Variants in KRT20 observed in about 807,000 individuals in gnomAD.
KRT20 encodes keratin 20.
In KRT20, 41 loss-of-function variants were observed where a neutral mutation model predicts 43.0. The observed-to-expected ratio is 0.95, with a 90% CI of 0.74 to 1.24. The LOEUF (loss-of-function observed/expected upper bound fraction) is 1.24. KRT20 is among the 50% of genes most tolerant of loss of function. The pLI is 0.00. For synonymous variants in KRT20, 207 were observed against 200.6 expected (o/e 1.03, Z -0.27); for missense variants, 533 against 521.2 (o/e 1.02, Z -0.22).
rs1051727533 is a variant in KRT20, at chr17:40,882,735, A to C, written c.391-81T>G. On this transcript the variant is annotated intron_variant, in intron 1 of 7. Coordinates refer to ENST00000167588, the MANE Select transcript of KRT20 (RefSeq NM_019010.3). ...TTTATTTATTTATTTATTGAGACAG[A>C]ATCTTGCTCTGTTGCCCAGACTGGA... is the stretch of plus-strand genomic sequence containing the variant. 8 of 440,734 alleles carry C rather than the reference A, an allele frequency of 1.8e-5. No individual in the cohort carries two copies. In the East Asian group the frequency reaches 2.8e-4, roughly 16 times the overall value. 27.3% of individuals were successfully genotyped at this position (440,734 alleles called of 1,614,324 possible).
chr17:40,885,014 C>T lies in KRT20; in HGVS notation c.172G>A (p.Asp58Asn). 5 of 1,614,180 alleles carry T rather than the reference C, an allele frequency of 3.1e-6. No homozygotes were observed. Among genetic ancestry groups the T allele is most frequent in the Non-Finnish European group, 4.2e-6 (5 of 1,180,034 alleles). Residue 58 changes from aspartate (D) to asparagine (N), a missense_variant, in exon 1 of 8, where the codon GAT becomes AAT. By Grantham distance (23) the Asp-to-Asn change is conservative (BLOSUM62 1). Transcript: ENST00000167588. ...NSRHTVNYGS[D>N]LTGGGDLFVG... is the part of the protein sequence containing the mutation. ...AACAGGTCCCCGCCGCCTGTGAGAT[C>T]GCTCCCATAGTTCACCGTGTGTCTG...
In KRT20 at chr17:40,884,897, T is replaced by C. The variant is rs147517327; in HGVS notation, c.289A>G (p.Lys97Glu). 1.2e-6 allele frequency: 2 copies of C among 1,614,234 alleles called. No homozygotes were observed. The highest frequency in any genetic ancestry group is 1.7e-6 in the Non-Finnish European group (2 of 1,180,034). Reference sequence around the variant, plus strand: ...CACTGCTTGATTTGCACTTCAAGTTTGGAGTTGGACTGCTCCAGGGTCCGC... The same window carrying C: ...CACTGCTTGATTTGCACTTCAAGTTCGGAGTTGGACTGCTCCAGGGTCCGC... Reference protein sequence around the residue: ...KVRTLEQSNSKLEVQIKQWYE... With the variant: ...KVRTLEQSNSELEVQIKQWYE... The change falls in exon 1 of 8, where the codon AAA (lysine) becomes GAA (glutamate). Residue 97 changes from lysine (K) to glutamate (E), a missense_variant. Coordinates refer to ENST00000167588, the MANE Select transcript of KRT20 (RefSeq NM_019010.3).
chr17:40,877,289 A>T, intron 7 of KRT20, 91 bp downstream of exon 7: 1 of 870,146 alleles, frequency 1.1e-6, no homozygotes, highest in Non-Finnish European at 1.8e-6. Flanking sequence ...AAAACAGACT[A>T]AAACAGCCTC....
chr17:40,882,514 G>A, intron 2 of KRT20, 58 bp downstream of exon 2: 1 of 843,196 alleles, frequency 1.2e-6, no homozygotes, highest in Non-Finnish European at 1.9e-6. Flanking sequence ...TGAGTATCTG[G>A]AAGGACTACT....
rs147128896 is a variant in KRT20, at chr17:40,884,941, G to A, written c.245C>T (p.Ala82Val). 9.3e-6 allele frequency: 15 copies of A among 1,614,216 alleles called. No homozygotes were observed. Among genetic ancestry groups the A allele is most frequent in the Non-Finnish European group, 1.3e-5 (15 of 1,180,038 alleles). The change falls in exon 1 of 8, where the codon GCG (alanine) becomes GTG (valine). Residue 82 changes from alanine to valine, a missense_variant. Ala to Val is a moderately conservative substitution (Grantham distance 64). Coordinates refer to ENST00000167588, the MANE Select transcript of KRT20 (RefSeq NM_019010.3). ...MAMQNLNDRLASYLEKVRTLE... is the reference protein window; with the variant it reads ...MAMQNLNDRLVSYLEKVRTLE... ...GGTCCGCACCTTTTCTAGGTAGCTC[G>A]CTAGACGGTCATTTAGGTTCTGCAT...
rs74471184 is a variant in KRT20 at position 40,876,845 on chromosome 17, A to G, written c.1178-387T>C. On this transcript the variant is annotated intron_variant, in intron 7 of 7. Coordinates refer to ENST00000167588, the MANE Select transcript of KRT20 (RefSeq NM_019010.3). Reference sequence around the variant, plus strand: ...AGGGTTTCTTTATGCCATGTACAAGATTTTTAGAATCCCTGGTGTCATATC... The same window carrying G: ...AGGGTTTCTTTATGCCATGTACAAGGTTTTTAGAATCCCTGGTGTCATATC... Among the ~76,000 whole-genome samples, 917 of 152,262 alleles carry G rather than the reference A, an allele frequency of 6.0e-3. 10 individuals are homozygous for G. The highest frequency in any genetic ancestry group is 0.021 in the African/African-American group (873 of 41,534).
chr17:40,877,014 A>T (rs191624172), intron 7 of KRT20, among the ~76,000 whole-genome samples: 50 of 152,274 alleles, frequency 3.3e-4, no homozygotes, highest in East Asian at 3.3e-3. Flanking sequence ...TCTCTCATGG[A>T]TGGATTAATG....
At position 40,882,999 on chromosome 17, in the gene KRT20, C is replaced by A. The variant is rs142310654; in HGVS notation, c.391-345G>T. On this transcript the variant is annotated intron_variant, in intron 1 of 7. Transcript: ENST00000167588. ...TGCTGGGATTACAGGCGTGAGCCAC[C>A]GTGCCCGGCCAAGAATGACATTTTC... Among the ~76,000 whole-genome samples, 694 of 152,166 alleles carry A rather than the reference C, an allele frequency of 4.6e-3. 4 individuals are homozygous for A. The highest frequency in any genetic ancestry group is 0.016 in the African/African-American group (658 of 41,510).
intron 5 of KRT20, among the ~76,000 whole-genome samples, chr17:40,878,947 A>G (rs1473358583): frequency 6.6e-6 from 1 of 152,042 alleles, no homozygotes; most frequent in Non-Finnish European, 1.5e-5. Context: ...GATTACAGGC[A>G]CACACCACCA....
At position 40,882,218 on chromosome 17, in the gene KRT20, C is replaced by T. The variant is rs565783137; in HGVS notation, c.473+354G>A. On this transcript the variant is annotated intron_variant, in intron 2 of 7. Coordinates refer to ENST00000167588, the MANE Select transcript of KRT20 (RefSeq NM_019010.3). ...TAGACACAAGACTCTCTTTAGATAA[C>T]AGAAAGGCACTTAGGGAGAAGGAGA... 6.9e-4 allele frequency among the ~76,000 whole-genome samples: 105 copies of T among 152,222 alleles called. No individual in the cohort carries two copies. In the South Asian group the frequency reaches 8.9e-3, roughly 13 times the overall value.
At chr17:40,881,457 TG>T in intron 2 of KRT20, among the ~76,000 whole-genome samples, 1 of 152,180 alleles carries the variant, frequency 6.6e-6, no homozygotes, top group East Asian at 1.9e-4. Flanking sequence ...TTTGCCACGT[TG>T]CCCAAGCTGT....
chr17:40,880,694 T>A lies in KRT20; in HGVS notation c.550A>T (p.Thr184Ser). The change falls in exon 3 of 8, where the codon ACC becomes TCC. Residue 184 changes from threonine to serine, a missense_variant. Thr to Ser is a moderately conservative substitution (Grantham distance 58). Coordinates refer to ENST00000167588, the MANE Select transcript of KRT20 (RefSeq NM_019010.3). ...ATCTCCAAATCTGTTTTATGTAGGG[T>A]TAGGTCATCAAAGACCTTATTCAGG... ...QGLNKVFDDL[T>S]LHKTDLEIQI... 1 of 1,610,690 alleles carries A rather than the reference T, an allele frequency of 6.2e-7. No homozygotes were observed. The highest frequency in any genetic ancestry group is 8.5e-7 in the Non-Finnish European group (1 of 1,178,556).
intron 2 of KRT20, 99 bp from the exon 3 acceptor site, chr17:40,880,869 A>G (rs1907566911): frequency 3.4e-6 from 3 of 879,224 alleles, no homozygotes; most frequent in Admixed American, 5.6e-5. Context: ...GTGGCTTATG[A>G]GGAGATCAAT....
At position 40,882,556 on chromosome 17, in the gene KRT20, G is replaced by C; in HGVS notation, c.473+16C>G. 1 of 1,482,684 alleles carries C rather than the reference G, an allele frequency of 6.7e-7. No homozygotes were observed. Among genetic ancestry groups the C allele is most frequent in the South Asian group, 1.3e-5 (1 of 77,286 alleles). The allele number at this position is 1,482,684 out of a possible 1,614,324, so 91.8% of individuals were successfully genotyped here. ...ATTCTTTTTCAGAAACTTTTGCCAC[G>C]TATTAGGGAACCTACTTCAGTCTGA... On this transcript the variant is annotated intron_variant, in intron 2 of 7. Transcript: ENST00000167588.
chr17:40,878,491 C>G (rs1323350988), intron 5 of KRT20, 126 bp from the exon 6 acceptor site: 1 of 700,644 alleles, frequency 1.4e-6, no homozygotes, highest in Admixed American at 2.8e-5. Context: ...ATATTTCTAG[C>G]TCCATCTCCC....
In KRT20 at chr17:40,876,228, G is replaced by T; in HGVS notation, c.*133C>A. 2.0e-6 allele frequency: 1 copy of T among 507,846 alleles called. No individual in the cohort carries two copies. The highest frequency in any genetic ancestry group is 3.2e-5 in the Admixed American group (1 of 31,266). 31.5% of individuals were successfully genotyped at this position (507,846 alleles called of 1,614,324 possible). On this transcript the variant is annotated 3_prime_UTR_variant, in exon 8 of 8. Coordinates refer to ENST00000167588, the MANE Select transcript of KRT20 (RefSeq NM_019010.3). ...ACAGAGTCTGATAAATAGGATTCCCGCCACCCCACCCCTTCTAATCACTGC... is the reference window on the plus strand; with the variant it reads ...ACAGAGTCTGATAAATAGGATTCCCTCCACCCCACCCCTTCTAATCACTGC...
At chr17:40,883,350 G>A (rs1038146612) in intron 1 of KRT20, among the ~76,000 whole-genome samples, 8 of 152,078 alleles carry the variant, frequency 5.3e-5, no homozygotes, top group African/African-American at 1.9e-4. Context: ...TCTCAGGTTC[G>A]ACAACATTGC....
At chr17:40,877,331 TAGAA>T (rs778180650) in intron 7 of KRT20, 45 bp downstream of exon 7, 4 of 1,357,804 alleles carry the variant, frequency 2.9e-6, no homozygotes, top group Non-Finnish European at 4.0e-6. Flanking sequence ...ATGTAGTTAA[TAGAA>T]AGCAGCTGAA....
Position 40,885,023 on chromosome 17 carries a change from A to G in KRT20, c.163T>C (p.Tyr55His). 6.2e-7 allele frequency: 1 copy of G among 1,614,124 alleles called. No homozygotes were observed. Residue 55 changes from tyrosine (Y) to histidine (H), a missense_variant, in exon 1 of 8, where the codon TAT becomes CAT. By Grantham distance (83) the Tyr-to-His change is moderately conservative. Transcript: ENST00000167588. ...RISNSRHTVN[Y>H]GSDLTGGGDL... is the part of the protein sequence containing the mutation. ...CCGCCGCCTGTGAGATCGCTCCCAT[A>G]GTTCACCGTGTGTCTGGAGTTGGAG... is the stretch of plus-strand genomic sequence containing the variant.
Sources: allele counts gnomAD v4.1 joint callset (sites outside exome capture counted in the v4.1 genomes callset), GRCh38; gene constraint gnomAD v4.1.1; transcripts MANE v1.5; gene names NCBI Gene and HGNC (gene_info 2026-07-23, HGNC 2026-07-21).